Variants in NRAS observed in about 807,000 individuals in gnomAD.
The protein encoded by NRAS is NRAS proto-oncogene, GTPase.
Under a neutral mutation model 21.3 loss-of-function variants are expected in NRAS, and 6 were observed. The ratio of observed to expected loss-of-function variants is 0.28; its 90% CI spans 0.15 to 0.56. The LOEUF (loss-of-function observed/expected upper bound fraction) is 0.56, where lower values mean the gene tolerates loss of function less well. Ranked by LOEUF, NRAS falls within the 20% of genes least tolerant of loss-of-function variation. The probability of loss-of-function intolerance (pLI) is 0.93; values close to 1 mark genes in which losing one functional copy is unlikely to be tolerated. For synonymous variants in NRAS, 84 were observed against 82.0 expected, an observed-to-expected ratio of 1.02 and a Z score of -0.13; for missense variants, 143 against 231.3, an observed-to-expected ratio of 0.62 and a Z score of 2.48.
rs758898839 is a variant in NRAS, at chr1:114,709,594, A to G, written c.425T>C (p.Ile142Thr). The G allele has an allele frequency of 2.5e-6, 4 of 1,614,064 alleles. No homozygotes were observed. Among genetic ancestry groups the G allele is most frequent in the East Asian group, 2.2e-5 (1 of 44,896 alleles). ...CTGTCTGGTCTTGGCTGAGGTTTCA[A>G]TGAATGGAATCCCGTAACTCTTGGC... ...ELAKSYGIPF[I>T]ETSAKTRQGV... The change falls in exon 4 of 7, where the codon ATT becomes ACT. Residue 142 changes from isoleucine (I) to threonine (T), a missense_variant. By Grantham distance (89) the Ile-to-Thr change is moderately conservative (BLOSUM62 -1). Transcript: ENST00000369535.
intron 5 of NRAS, 101 bp from the exon 6 acceptor site, chr1:114,708,293 CATAA>C: frequency 1.8e-6 from 1 of 544,498 alleles, no homozygotes; most frequent in Non-Finnish European, 3.3e-6. Context: ...GCCTACATTT[CATAA>C]ATAATGTCTT....
rs1359291659 is a variant in NRAS, at chr1:114,705,337, A to C, written c.*2757T>G. 1 of 152,254 alleles carries C rather than the reference A, an allele frequency of 6.6e-6. No individual in the cohort carries two copies. Among genetic ancestry groups the C allele is most frequent in the Non-Finnish European group, 1.5e-5 (1 of 68,038 alleles). 9.4% of individuals were successfully genotyped at this position (152,254 alleles called of 1,614,324 possible). On this transcript the variant is annotated 3_prime_UTR_variant, in exon 7 of 7. Coordinates refer to ENST00000369535, the MANE Select transcript of NRAS (RefSeq NM_002524.5). ...ATTCTATAGTAAGCCGTTGGAGCAAATACAGCATTTAACAGGTTCATTTAC... is the reference window on the plus strand; with the variant it reads ...ATTCTATAGTAAGCCGTTGGAGCAACTACAGCATTTAACAGGTTCATTTAC...
rs1659172602 is a variant in NRAS at position 114,716,504 on chromosome 1, T to C, written c.-18+154A>G. Reference sequence around the variant, plus strand: ...CAACTCCTTCCCATTCTCCCTTCTGTCTCCAAAGATCTCCCCACGTAGGCA... The same window carrying C: ...CAACTCCTTCCCATTCTCCCTTCTGCCTCCAAAGATCTCCCCACGTAGGCA... On this transcript the variant is annotated intron_variant, in intron 1 of 6. Transcript: ENST00000369535. Among the ~76,000 whole-genome samples the C allele has an allele frequency of 2.6e-5, 4 of 152,054 alleles. No individual in the cohort carries two copies. In the South Asian group the frequency reaches 8.3e-4, roughly 32 times the overall value.
At chr1:114,715,549 G>A (rs1291366274) in intron 2 of NRAS, among the ~76,000 whole-genome samples, 1 of 152,178 alleles carries the variant, frequency 6.6e-6, no homozygotes, top group South Asian at 2.1e-4. Context: ...AGATTCAGTT[G>A]CTCAATATCA....
intron 1 of NRAS, among the ~76,000 whole-genome samples, 157 bp downstream of exon 1, chr1:114,716,499 TTC>T (rs1414592652): frequency 6.6e-6 from 1 of 152,128 alleles, no homozygotes; most frequent in African/African-American, 2.4e-5. Flanking sequence ...CCATTCTCCC[TTC>T]TGTCTCCAAA....
chr1:114,709,416 T>C (rs542119561), intron 4 of NRAS, among the ~76,000 whole-genome samples, 153 bp downstream of exon 4: 13 of 151,350 alleles, frequency 8.6e-5, no homozygotes, highest in Non-Finnish European at 1.2e-4. Context: ...GCTTAGAAGA[T>C]AGAGTGAGAC....
intron 2 of NRAS, among the ~76,000 whole-genome samples, chr1:114,715,160 G>A (rs1185269210): frequency 1.3e-5 from 2 of 152,180 alleles, no homozygotes; most frequent in Non-Finnish European, 2.9e-5. Context: ...CTGAGTAGCT[G>A]GGATTACAGG....
intron 2 of NRAS, among the ~76,000 whole-genome samples, chr1:114,714,343 G>C (rs1050545385): frequency 1.3e-5 from 2 of 152,132 alleles, no homozygotes; most frequent in South Asian, 2.1e-4. Flanking sequence ...TGTTTTATTT[G>C]TGCTGTTTAT....
intron 2 of NRAS, 152 bp downstream of exon 2, chr1:114,715,898 T>C (rs997990647): frequency 5.8e-6 from 4 of 691,926 alleles, no homozygotes; most frequent in African/African-American, 3.5e-5. Flanking sequence ...AACTGTTCTC[T>C]ATAAACACGT....
chr1:114,713,101 G>C (rs888522064), intron 3 of NRAS, among the ~76,000 whole-genome samples: 1 of 152,076 alleles, frequency 6.6e-6, no homozygotes, highest in Non-Finnish European at 1.5e-5. Flanking sequence ...ATGGTTCTAT[G>C]GACAAAGTCT....
At chr1:114,714,248 C>A (rs1404887831) in intron 2 of NRAS, among the ~76,000 whole-genome samples, 1 of 152,114 alleles carries the variant, frequency 6.6e-6, no homozygotes, top group Non-Finnish European at 1.5e-5. Context: ...ATTAAGAAAA[C>A]ACAGTAACTC....
chr1:114,711,698 G>T (rs907348661), intron 3 of NRAS, among the ~76,000 whole-genome samples: 6 of 151,800 alleles, frequency 4.0e-5, no homozygotes, highest in East Asian at 1.9e-4. Context: ...CATAAGAACT[G>T]CTCTTAGTAA....
At chr1:114,715,189 G>A (rs1276972347) in intron 2 of NRAS, among the ~76,000 whole-genome samples, 3 of 152,106 alleles carry the variant, frequency 2.0e-5, no homozygotes, top group South Asian at 2.1e-4. Flanking sequence ...ACCACACCCA[G>A]CTAATTTTTG....
At chr1:114,712,488 GA>G (rs1659069857) in intron 3 of NRAS, among the ~76,000 whole-genome samples, 1 of 151,962 alleles carries the variant, frequency 6.6e-6, no homozygotes, top group South Asian at 2.1e-4. Flanking sequence ...TAAGAAAGAA[GA>G]AAAATGACTT....
chr1:114,711,401 C>T (rs150158223), intron 3 of NRAS, among the ~76,000 whole-genome samples: 1,547 of 152,094 alleles, frequency 0.01, 16 homozygotes, highest in Middle Eastern at 0.054. Context: ...AGTTTGAAAC[C>T]AGCCCGGCCA....
intron 3 of NRAS, among the ~76,000 whole-genome samples, chr1:114,710,375 G>A (rs1159878441): frequency 6.8e-6 from 1 of 146,120 alleles, no homozygotes; most frequent in Non-Finnish European, 1.5e-5. Flanking sequence ...TTATAGCTGG[G>A]TGTGGTGGCG....
At chr1:114,712,768 C>T (rs1170214683) in intron 3 of NRAS, among the ~76,000 whole-genome samples, 1 of 152,182 alleles carries the variant, frequency 6.6e-6, no homozygotes, top group East Asian at 1.9e-4. Flanking sequence ...TTTATTAAAA[C>T]TGTAATCTTC....
intron 3 of NRAS, 96 bp downstream of exon 3, chr1:114,713,703 TA>T: frequency 1.9e-6 from 2 of 1,047,672 alleles, no homozygotes; most frequent in Non-Finnish European, 3.0e-6. Context: ...TTCCCATAAT[TA>T]AAAAGCTCTA....
chr1:114,711,172 C>T (rs1300118932), intron 3 of NRAS, among the ~76,000 whole-genome samples: 1 of 151,866 alleles, frequency 6.6e-6, no homozygotes, highest in Non-Finnish European at 1.5e-5. Context: ...GGCATGGTGG[C>T]ACATGTGCCT....
Sources: gnomAD v4.1 joint callset for allele counts (sites outside exome capture counted in the v4.1 genomes callset) on GRCh38, gnomAD v4.1.1 for gene constraint, MANE v1.5 for transcripts, NCBI Gene and HGNC (gene_info 2026-07-23, HGNC 2026-07-21) for gene names.